Variants in IRX4 observed in about 807,000 individuals in gnomAD.
The protein encoded by IRX4 is iroquois-class homeodomain protein IRX-4.
IRX4 carries 22 observed loss-of-function variants against 32.0 expected under a neutral mutation model. The ratio of observed to expected loss-of-function variants is 0.69; its 90% confidence interval spans 0.49 to 0.98. The LOEUF is 0.98. Among genes scored for constraint, IRX4 ranks in the 50% least tolerant of loss-of-function variants. The probability of loss-of-function intolerance (pLI) is 0.00; values close to 1 mark genes in which losing one functional copy is unlikely to be tolerated. For synonymous variants in IRX4, 379 were observed against 351.7 expected (o/e 1.08, Z -0.87); for missense variants, 840 against 744.2 (o/e 1.13, Z -1.50).
rs1336574100 is a variant in IRX4, at chr5:1,882,579, TGGGCG to T, written c.45+19_45+23del. On this transcript the variant is annotated intron_variant, in intron 1 of 4. Coordinates refer to ENST00000231357, the MANE Select transcript of IRX4 (RefSeq NM_016358.3). ...CGCCCTACCGGCACCTGCGGTGGCCTGGGCGGGGCGGGGCTCCGCTTACCTGGGGA... is the reference window on the plus strand; with the variant it reads ...CGCCCTACCGGCACCTGCGGTGGCCTGGGCGGGGCTCCGCTTACCTGGGGA... The T allele has an allele frequency of 2.0e-6, 3 of 1,495,458 alleles. No individual in the cohort carries two copies. Among genetic ancestry groups the T allele is most frequent in the African/African-American group, 1.5e-5 (1 of 68,146 alleles). 92.6% of individuals were successfully genotyped at this position (1,495,458 alleles called of 1,614,324 possible).
In IRX4 at chr5:1,879,291, T is replaced by C. The variant is rs369965633; in HGVS notation, c.736+213A>G. 2.6e-5 allele frequency among the ~76,000 whole-genome samples: 4 copies of C among 152,336 alleles called. No individual in the cohort carries two copies. In the East Asian group the frequency reaches 5.8e-4, roughly 22 times the overall value. ...CAGGCGTGAGCCACCGCGCCCGGCC[T>C]ACTATTTTTATACGTGATTTGAGTT... On this transcript the variant is annotated intron_variant, in intron 4 of 4. Coordinates refer to ENST00000231357, the MANE Select transcript of IRX4 (RefSeq NM_016358.3).
Position 1,879,669 on chromosome 5 carries a change from T to C in IRX4, c.571A>G (p.Thr191Ala), listed in dbSNP as rs1735359162. ...ITKMTLTQVS[T>A]WFANARRRLK... is the part of the protein sequence containing the mutation. ...CGCCGGCGCGCGTTGGCGAACCAGG[T>C]GGAGACCTGTGTGAGGGTCATCTTG... Residue 191 changes from threonine to alanine, a missense_variant, in exon 4 of 5, where the codon ACC (threonine) becomes GCC (alanine). This residue lies in a region of IRX4 where 585 missense variants were observed against 488.0 expected (regional missense o/e 1.20). Coordinates refer to ENST00000231357, the MANE Select transcript of IRX4 (RefSeq NM_016358.3). 6.2e-7 allele frequency: 1 copy of C among 1,614,196 alleles called. No individual in the cohort carries two copies. The highest frequency in any genetic ancestry group is 1.3e-5 in the African/African-American group (1 of 75,072).
rs563787354 is a variant in IRX4, at chr5:1,877,787, G to A, written c.*182C>T. On this transcript the variant is annotated 3_prime_UTR_variant, in exon 5 of 5. Transcript: ENST00000231357. ...GTCAGGCTCAGGCCCAGGCGGTGGAGGCCCCGGCGTGGCAGCGCCGGGCTT... is the reference window on the plus strand; with the variant it reads ...GTCAGGCTCAGGCCCAGGCGGTGGAAGCCCCGGCGTGGCAGCGCCGGGCTT... 1.2e-5 allele frequency: 7 copies of A among 604,422 alleles called. No homozygotes were observed. In the African/African-American group the frequency reaches 1.2e-4, roughly 10 times the overall value. 37.4% of individuals were successfully genotyped at this position (604,422 alleles called of 1,614,324 possible).
rs1356053831 is a variant in IRX4, at chr5:1,879,753, C to T, written c.487G>A (p.Glu163Lys). The change falls in exon 4 of 5, where the codon GAG becomes AAG. Residue 163 changes from glutamate (E) to lysine (K), a missense_variant. Glu to Lys is a moderately conservative substitution (Grantham distance 56). Around this residue, in one of 3 missense-constraint regions of IRX4, gnomAD observed 14 missense variants for 35.4 expected, o/e 0.40. Transcript: ENST00000231357. Reference sequence around the variant, plus strand: ...GTGGGGTAGGGGTTCTTGCGGTGCTCCTGCAGCCAGGCCTTGAGCGTGCTG... The same window carrying T: ...GTGGGGTAGGGGTTCTTGCGGTGCTTCTGCAGCCAGGCCTTGAGCGTGCTG... The part of the protein sequence containing the change: ...TTSTLKAWLQ[E>K]HRKNPYPTKG... 1.2e-6 allele frequency: 2 copies of T among 1,614,114 alleles called. No homozygotes were observed. Among genetic ancestry groups the T allele is most frequent in the Non-Finnish European group, 8.5e-7 (1 of 1,180,046 alleles).
rs1310828303 is a variant in IRX4, at chr5:1,882,045, G to T, written c.60C>A (p.Thr20=). The stretch of plus-strand genomic sequence containing the variant: ...ACTCGCAGCACGTGCTCAGGGAGTT[G>T]GTGGCCATCAAGAACTGCAGAGAGA... The part of the protein sequence containing the change: ...YSSAPQFLMA[T]NSLSTCCESG... The change falls in exon 2 of 5, where the codon ACC becomes ACA. Residue 20 remains threonine (T), a synonymous_variant. Transcript: ENST00000231357. 2 of 1,553,680 alleles carry T rather than the reference G, an allele frequency of 1.3e-6. No individual in the cohort carries two copies. The highest frequency in any genetic ancestry group is 2.7e-5 in the African/African-American group (2 of 73,320).
rs761517244 is a variant in IRX4 at position 1,878,197 on chromosome 5, G to A, written c.1332C>T (p.His444=). The A allele has an allele frequency of 5.6e-5, 90 of 1,597,028 alleles. No homozygotes were observed. Among genetic ancestry groups the A allele is most frequent in the Non-Finnish European group, 6.9e-5 (81 of 1,173,286 alleles). ...AAGTGCTGTGCCTGAGGATGGGGTC[G>A]TGGAAGACCCCGTCCACCCAGTTTC... ...SLRNWVDGVF[H]DPILRHSTLN... Residue 444 remains histidine (H), a synonymous_variant, in exon 5 of 5, where the codon CAC becomes CAT. Transcript: ENST00000231357.
rs771493259 is a variant in IRX4 at position 1,879,727 on chromosome 5, G to A, written c.513C>T (p.Thr171=). 2 of 1,614,128 alleles carry A rather than the reference G, an allele frequency of 1.2e-6. No homozygotes were observed. The highest frequency in any genetic ancestry group is 2.7e-5 in the African/African-American group (2 of 74,958). Reference sequence around the variant, plus strand: ...TGGCCAGCATGATCTTCTCGCCCTTGGTGGGGTAGGGGTTCTTGCGGTGCT... The same window carrying A: ...TGGCCAGCATGATCTTCTCGCCCTTAGTGGGGTAGGGGTTCTTGCGGTGCT... ...LQEHRKNPYP[T]KGEKIMLAII... Residue 171 remains threonine (T), a synonymous_variant, in exon 4 of 5, where the codon ACC becomes ACT. Coordinates refer to ENST00000231357, the MANE Select transcript of IRX4 (RefSeq NM_016358.3).
chr5:1,879,544 C>G lies in IRX4; in HGVS notation c.696G>C (p.Glu232Asp). The stretch of plus-strand genomic sequence containing the variant: ...TCTTGAGGGGCTCCTCCCGCGCCTC[C>G]TCCTCGCCCCCCTCCTCCTCCTCGC... ...AEGEEEEGGE[E>D]EAREEPLKSS... The change falls in exon 4 of 5, where the codon GAG becomes GAC. Residue 232 changes from glutamate to aspartate, a missense_variant. Coordinates refer to ENST00000231357, the MANE Select transcript of IRX4 (RefSeq NM_016358.3). 1 of 1,613,192 alleles carries G rather than the reference C, an allele frequency of 6.2e-7. No homozygotes were observed. Among genetic ancestry groups the G allele is most frequent in the South Asian group, 1.1e-5 (1 of 91,072 alleles).
chr5:1,885,537 G>C (rs967169527), upstream of IRX4, among the ~76,000 whole-genome samples: 7 of 152,004 alleles, frequency 4.6e-5, no homozygotes, highest in African/African-American at 1.2e-4. Flanking sequence ...CCTGGGGTCC[G>C]GGCCCAGTCA....
upstream of IRX4, among the ~76,000 whole-genome samples, chr5:1,886,466 C>T (rs1461632367): frequency 6.6e-6 from 1 of 152,232 alleles, no homozygotes; most frequent in Admixed American, 6.5e-5. Flanking sequence ...ACTGGCGAAC[C>T]TCGAGGTTGG....
intron 3 of IRX4, chr5:1,880,141 A>G: frequency 6.5e-7 from 1 of 1,535,552 alleles, no homozygotes; most frequent in South Asian, 1.2e-5. Flanking sequence ...TAGCCGTTTG[A>G]TCCTCAAACC....
At chr5:1,880,864 T>C in intron 2 of IRX4, 30 bp from the exon 3 acceptor site, 5 of 1,571,616 alleles carry the variant, frequency 3.2e-6, no homozygotes, top group Non-Finnish European at 4.4e-6. Context: ...GGGGTCGCAG[T>C]TTCCAGGGAG....
At chr5:1,886,689 T>A (rs1258438413), upstream of IRX4, among the ~76,000 whole-genome samples, 1 of 152,008 alleles carries the variant, frequency 6.6e-6, no homozygotes, top group Non-Finnish European at 1.5e-5. Flanking sequence ...GACTCAGGCC[T>A]GGCCACTCCG....
At chr5:1,881,070 C>CCGGGGGGGGGGGGGGG in intron 2 of IRX4, 1 of 90,848 alleles carries the variant, frequency 1.1e-5, no homozygotes, top group Non-Finnish European at 1.8e-5. Flanking sequence ...TGGGGGGGGG[C>CCGGGGGGGGGGGGGGG]GGGGGGGAGG....
chr5:1,880,724 C>T lies in IRX4; in HGVS notation c.407+1G>A. On this transcript the variant is annotated splice_donor_variant, in intron 3 of 4. Coordinates refer to ENST00000231357, the MANE Select transcript of IRX4 (RefSeq NM_016358.3). LOFTEE classifies it high-confidence loss of function. Reference sequence around the variant, plus strand: ...GCTGGTTAGGAGGGGTGGGTCCTCACCTGTCATAGGGGTACTGGCCCAGAG... The same window carrying T: ...GCTGGTTAGGAGGGGTGGGTCCTCATCTGTCATAGGGGTACTGGCCCAGAG... 1 of 1,608,884 alleles carries T rather than the reference C, an allele frequency of 6.2e-7. No individual in the cohort carries two copies. Among genetic ancestry groups the T allele is most frequent in the Non-Finnish European group, 8.5e-7 (1 of 1,175,474 alleles).
At chr5:1,882,945 A>C (rs1735507900), upstream of IRX4, among the ~76,000 whole-genome samples, 1 of 151,162 alleles carries the variant, frequency 6.6e-6, no homozygotes, top group African/African-American at 2.4e-5. Context: ...AAAAAAAAAA[A>C]CGAGTCGCGC....
upstream of IRX4, chr5:1,886,867 C>A (rs537542905): frequency 1.7e-4 from 26 of 152,140 alleles, no homozygotes; most frequent in African/African-American, 6.3e-4. Flanking sequence ...CCTACCTGAG[C>A]TGGGGAAGCT....
chr5:1,878,354 G>T lies in IRX4; in HGVS notation c.1175C>A (p.Ser392Ter). 1 of 1,540,990 alleles carries T rather than the reference G, an allele frequency of 6.5e-7. No homozygotes were observed. ...GGGACCTTGGCGCTTGAGCATGCAC[G>T]ACGGAAACTCAGTCTGGCTCAGGGA... Reference protein sequence around the residue: ...ATSLSQTEFPSCMLKRQGPAA... With the variant: ...ATSLSQTEFP The change falls in exon 5 of 5, where the codon TCG becomes TAG. Residue 392 changes from serine (S) to a stop codon, truncating the protein, a stop_gained. Transcript: ENST00000231357. LOFTEE classifies it low-confidence loss of function (END_TRUNC).
At chr5:1,882,101 G>A in intron 1 of IRX4, 42 bp from the exon 2 acceptor site, 1 of 1,533,610 alleles carries the variant, frequency 6.5e-7, no homozygotes, top group Non-Finnish European at 8.7e-7. Context: ...AGCCGGGCTG[G>A]AGGCTGGGGC....
Sources: gnomAD v4.1 joint callset for allele counts (sites outside exome capture counted in the v4.1 genomes callset) on GRCh38, gnomAD v4.1.1 for gene constraint, gnomAD v4.1.1 regional missense constraint, MANE v1.5 for transcripts, NCBI Gene and HGNC (gene_info 2026-07-23, HGNC 2026-07-21) for gene names.